The following KCNN1 variants were observed in gnomAD, a reference collection of about 807,000 sequenced individuals.
KCNN1 encodes the protein small conductance calcium-activated potassium channel protein 1.
Under a neutral mutation model 44.7 loss-of-function variants are expected in KCNN1, and 20 were observed. The ratio of observed to expected loss-of-function variants is 0.45; its 90% confidence interval spans 0.32 to 0.65. KCNN1 has a LOEUF of 0.65. KCNN1 is among the 30% of genes least tolerant of loss of function. KCNN1 has a pLI of 0.05. For synonymous variants in KCNN1, 324 were observed against 341.7 expected (o/e 0.95, Z 0.57); for missense variants, 632 against 785.3 (o/e 0.80, Z 2.33).
At chr19:17,986,696 T>G (rs562825772) in intron 5 of KCNN1, among the ~76,000 whole-genome samples, 1 of 152,362 alleles carries the variant, frequency 6.6e-6, no homozygotes, top group African/African-American at 2.4e-5. Context: ...GGGGTCTCAC[T>G]ATGTTGCCCA....
intron 7 of KCNN1, 64 bp from the exon 8 acceptor site, chr19:17,992,990 G>T: frequency 6.2e-7 from 1 of 1,602,646 alleles, no homozygotes. Flanking sequence ...GGTACATGCC[G>T]AACAACTGTG....
At chr19:17,958,993 T>C (rs1026280891) in intron 2 of KCNN1, among the ~76,000 whole-genome samples, 11 of 146,106 alleles carry the variant, frequency 7.5e-5, no homozygotes, top group African/African-American at 2.9e-4. Flanking sequence ...AGCCACCACG[T>C]CCAGCCCTAT....
At chr19:17,961,451 A>ATC (rs2031675538) in intron 2 of KCNN1, among the ~76,000 whole-genome samples, 1 of 151,866 alleles carries the variant, frequency 6.6e-6, no homozygotes. Context: ...AAACAGGAGA[A>ATC]TCTCTTAAGC....
rs537546346 is a variant in KCNN1 at position 17,981,483 on chromosome 19, C to T, written c.499-226C>T. Among the ~76,000 whole-genome samples, 15 of 148,820 alleles carry T rather than the reference C, an allele frequency of 1.0e-4. No homozygotes were observed. The East Asian group carries it at 2.6e-3, about 26-fold the overall frequency. On this transcript the variant is annotated intron_variant, in intron 3 of 9. Transcript: ENST00000684775. ...AAGAGAATTGCTTTCACCCAGGAGG[C>T]GGAGATTGCAGTGAGCAGAGATCGT...
At chr19:17,977,930 C>G (rs996572926) in intron 3 of KCNN1, among the ~76,000 whole-genome samples, 3 of 151,956 alleles carry the variant, frequency 2.0e-5, no homozygotes, top group Non-Finnish European at 4.4e-5. Flanking sequence ...TCAGAAGATG[C>G]AAATCCGCAG....
Position 17,999,922 on chromosome 19 carries a change from T to A in KCNN1, c.*1516T>A, listed in dbSNP as rs577336432. 3 of 455,172 alleles carry A rather than the reference T, an allele frequency of 6.6e-6. No individual in the cohort carries two copies. In the Admixed American group the frequency reaches 7.1e-5, roughly 11 times the overall value. 28.2% of individuals were successfully genotyped at this position (455,172 alleles called of 1,614,324 possible). A position where few individuals can be genotyped will look rare whatever the true frequency, so the allele number is the denominator to read the frequency against. ...CAGACCCGGGTTCGAGTCCTGACTC[T>A]GCCACTGCTGGGTGACTCTGAGCAG... On this transcript the variant is annotated 3_prime_UTR_variant, in exon 10 of 10. Coordinates refer to ENST00000684775, the MANE Select transcript of KCNN1 (RefSeq NM_001386974.1).
chr19:17,970,284 G>C (rs2031965934), intron 1 of KCNN1, among the ~76,000 whole-genome samples: 1 of 120,340 alleles, frequency 8.3e-6, no homozygotes. Flanking sequence ...ACCATAGAAG[G>C]AATGATTTTT....
intron 5 of KCNN1, among the ~76,000 whole-genome samples, chr19:17,985,697 C>T (rs1482938724): frequency 6.6e-6 from 1 of 152,198 alleles, no homozygotes; most frequent in Non-Finnish European, 1.5e-5. Flanking sequence ...AGATATGCAG[C>T]TCCCACCATG....
rs763720309 is a variant in KCNN1 at position 17,981,688 on chromosome 19, G to T, written c.499-21G>T. On this transcript the variant is annotated intron_variant, in intron 3 of 9. Coordinates refer to ENST00000684775, the MANE Select transcript of KCNN1 (RefSeq NM_001386974.1). ...GGCGCGTGTCTGACACCCATGGCTG[G>T]TTCCCTCCCGCCCTCCACAGCTGTT... The T allele has an allele frequency of 8.4e-6, 13 of 1,551,646 alleles. No homozygotes were observed. The Admixed American group carries it at 1.4e-4, about 17-fold the overall frequency.
chr19:17,960,779 T>C (rs1029253513), intron 2 of KCNN1, among the ~76,000 whole-genome samples: 17 of 152,160 alleles, frequency 1.1e-4, no homozygotes, highest in Admixed American at 1.1e-3. Context: ...TTCCAGCCTC[T>C]GGTGGCTCCT....
At chr19:17,965,061 T>C (rs1194077447), upstream of KCNN1, among the ~76,000 whole-genome samples, 1 of 151,762 alleles carries the variant, frequency 6.6e-6, no homozygotes, top group African/African-American at 2.4e-5. Context: ...GGTTAGGAGT[T>C]CGAGACCAGC....
intron 1 of KCNN1, among the ~76,000 whole-genome samples, chr19:17,971,090 G>T (rs2145921561): frequency 6.6e-6 from 1 of 152,024 alleles, no homozygotes; most frequent in East Asian, 2.0e-4. Flanking sequence ...CGCCATGTTG[G>T]CCAGGCTGGC....
At chr19:17,968,665 T>C (rs1343763061) in intron 1 of KCNN1, among the ~76,000 whole-genome samples, 1 of 151,996 alleles carries the variant, frequency 6.6e-6, no homozygotes, top group African/African-American at 2.4e-5. Flanking sequence ...CCTCATCCTC[T>C]CCTCAAGAGC....
chr19:17,996,184 A>C (rs1046289758), intron 9 of KCNN1, among the ~76,000 whole-genome samples: 1 of 150,268 alleles, frequency 6.7e-6, no homozygotes, highest in African/African-American at 2.5e-5. Flanking sequence ...AAAAAAAAAA[A>C]ATAGAAAAAT....
intron 5 of KCNN1, among the ~76,000 whole-genome samples, chr19:17,988,154 C>CAAAA (rs59928660): frequency 7.5e-4 from 40 of 53,482 alleles, no homozygotes; most frequent in African/African-American, 9.6e-4. Flanking sequence ...GACTCCATCT[C>CAAAA]AAAAAAAAAA....
intron 3 of KCNN1, among the ~76,000 whole-genome samples, chr19:17,979,283 A>G (rs900871053): frequency 2.0e-5 from 3 of 148,944 alleles, no homozygotes; most frequent in Non-Finnish European, 3.0e-5. Flanking sequence ...AATACAAAAC[A>G]TTAGCCAGGC....
chr19:17,996,166 C>CAAAAAAAAAAAA (rs757072562), intron 9 of KCNN1, among the ~76,000 whole-genome samples: 2 of 92,118 alleles, frequency 2.2e-5, no homozygotes, highest in Non-Finnish European at 4.2e-5. Context: ...TCCATTGCTA[C>CAAAAAAAAAAAA]AAAAAAAAAA....
chr19:17,964,998 A>G (rs7254547), upstream of KCNN1, among the ~76,000 whole-genome samples: 38,990 of 152,054 alleles, frequency 0.26, 5,564 homozygotes, highest in East Asian at 0.37. The surrounding 1 kb of genome is among the most constrained non-coding windows in gnomAD (Gnocchi z 4.3). Context: ...GCATCTGGCC[A>G]GGCGCGGTGG....
chr19:17,960,664 C>T (rs1382040684), intron 2 of KCNN1, among the ~76,000 whole-genome samples: 1 of 151,072 alleles, frequency 6.6e-6, no homozygotes, highest in African/African-American at 2.5e-5. Context: ...GAAAAACACA[C>T]AAAAAGTTGT....
Sources: allele counts gnomAD v4.1 joint callset (sites outside exome capture counted in the v4.1 genomes callset), GRCh38; gene constraint gnomAD v4.1.1; non-coding constraint Gnocchi (gnomAD v3.1); transcripts MANE v1.5; gene names NCBI Gene and HGNC (gene_info 2026-07-23, HGNC 2026-07-21).